Variants in MLIP observed in about 807,000 individuals in gnomAD.
MLIP encodes the protein muscular LMNA-interacting protein.
In MLIP, 79 loss-of-function variants were observed where a neutral mutation model predicts 84.8. The observed-to-expected ratio is 0.93, with a 90% CI of 0.78 to 1.12. The LOEUF (loss-of-function observed/expected upper bound fraction) is 1.12, where lower values mean the gene tolerates loss of function less well. Among genes scored for constraint, MLIP ranks in the 50% most tolerant of loss-of-function variants. The pLI is 0.00. For synonymous variants in MLIP, 504 were observed against 463.0 expected, an observed-to-expected ratio of 1.09 and a Z score of -1.14; for missense variants, 1,257 against 1,160.6, an observed-to-expected ratio of 1.08 and a Z score of -1.21.
chr6:54,168,956 G>A (rs553401710), intron 8 of MLIP, among the ~76,000 whole-genome samples: 1 of 149,402 alleles, frequency 6.7e-6, no homozygotes, highest in East Asian at 2.0e-4. Context: ...AATAATATGA[G>A]ATAAGAGGTA....
intron 11 of MLIP, among the ~76,000 whole-genome samples, chr6:54,228,094 A>C (rs941320714): frequency 2.5e-5 from 2 of 81,460 alleles, no homozygotes; most frequent in African/African-American, 5.8e-5. Context: ...GAGGCAGGAG[A>C]ATGGCATGAA....
chr6:54,207,768 A>G (rs1779139250), intron 11 of MLIP, among the ~76,000 whole-genome samples: 1 of 152,198 alleles, frequency 6.6e-6, no homozygotes, highest in Non-Finnish European at 1.5e-5. Context: ...TGTTTTGTTA[A>G]CACATGATGT....
chr6:54,120,240 A>AT (rs10708240), intron 1 of MLIP, among the ~76,000 whole-genome samples: 56 of 145,256 alleles, frequency 3.9e-4, no homozygotes, highest in African/African-American at 6.8e-4. Context: ...TCTTTTTTTT[A>AT]TTTTTTTTTT....
rs183017857 is a variant in MLIP at position 54,027,674 on chromosome 6, C to T, written c.63+8583C>T. Among the ~76,000 whole-genome samples, 403 of 152,194 alleles carry T rather than the reference C, an allele frequency of 2.6e-3. 2 individuals carry two copies. The highest frequency in any genetic ancestry group is 5.2e-3 in the Non-Finnish European group (353 of 68,002). ...AAAATGAGGGCTGTATCTATTGGAA[C>T]CCAGGGAGGGGAGCTGAGAGTTGAA... is the stretch of plus-strand genomic sequence containing the variant. On this transcript the variant is annotated intron_variant, in intron 1 of 12. Coordinates refer to the MLIP transcript ENST00000274897.
Position 54,088,127 on chromosome 6 carries a change from T to C in MLIP, c.64-33320T>C, listed in dbSNP as rs540471519. On this transcript the variant is annotated intron_variant, in intron 1 of 12. Transcript: ENST00000274897. ...CTTGACACATTTAGTTTATGCAAGG[T>C]GGTTTCAGAATTGAAGTAAAATAGT... 8.9e-4 allele frequency among the ~76,000 whole-genome samples: 136 copies of C among 152,272 alleles called. 1 individual carries two copies. In the South Asian group the frequency reaches 0.016, roughly 18 times the overall value.
intron 4 of MLIP, among the ~76,000 whole-genome samples, chr6:54,142,930 G>A (rs1057219539): frequency 6.6e-6 from 1 of 151,376 alleles, no homozygotes; most frequent in Non-Finnish European, 1.5e-5. Context: ...AAAAAAAAAC[G>A]CTGAAACTAG....
At chr6:54,038,186 A>C (rs1398830192) in intron 1 of MLIP, among the ~76,000 whole-genome samples, 1 of 151,896 alleles carries the variant, frequency 6.6e-6, no homozygotes, top group Non-Finnish European at 1.5e-5. Flanking sequence ...TTGTTCTTTG[A>C]TATGACTTTG....
chr6:54,075,981 G>A lies in MLIP; in HGVS notation c.64-45466G>A, dbSNP rs138383617. On this transcript the variant is annotated intron_variant, in intron 1 of 12. Coordinates refer to the MLIP transcript ENST00000274897. Reference sequence around the variant, plus strand: ...CGGAACCATTTTATTTTCTTTTTATGTTTGACAAATGGTACAAAAAGCATG... The same window carrying A: ...CGGAACCATTTTATTTTCTTTTTATATTTGACAAATGGTACAAAAAGCATG... Among the ~76,000 whole-genome samples, 703 of 152,234 alleles carry A rather than the reference G, an allele frequency of 4.6e-3. 8 individuals carry two copies. The highest frequency in any genetic ancestry group is 0.016 in the African/African-American group (675 of 41,552).
At chr6:54,087,817 T>C (rs1291800610) in intron 1 of MLIP, among the ~76,000 whole-genome samples, 2 of 10,802 alleles carry the variant, frequency 1.9e-4, no homozygotes, top group African/African-American at 2.6e-4. Flanking sequence ...AAAGATACTC[T>C]TTTTTTTTTT....
chr6:54,136,130 G>A (rs1397114763), intron 3 of MLIP, among the ~76,000 whole-genome samples: 5 of 152,076 alleles, frequency 3.3e-5, no homozygotes, highest in African/African-American at 1.2e-4. Context: ...GTTTAATTTG[G>A]ACTTTGCTTT....
intron 12 of MLIP, among the ~76,000 whole-genome samples, chr6:54,241,184 T>C (rs991649514): frequency 6.6e-6 from 1 of 151,864 alleles, no homozygotes; most frequent in Admixed American, 6.6e-5. Flanking sequence ...ATGAAAAACT[T>C]TAAAAGAAAA....
chr6:54,192,621 TA>T (rs1778027810), intron 10 of MLIP, among the ~76,000 whole-genome samples: 1 of 151,766 alleles, frequency 6.6e-6, no homozygotes, highest in Admixed American at 6.6e-5. Flanking sequence ...TTGATATATA[TA>T]TTTATATTTT....
upstream of MLIP, among the ~76,000 whole-genome samples, chr6:54,109,684 C>G (rs1038298361): frequency 6.6e-6 from 1 of 152,048 alleles, no homozygotes; most frequent in African/African-American, 2.4e-5. Flanking sequence ...TAACATCGTT[C>G]TCTGAAATTC....
intron 11 of MLIP, among the ~76,000 whole-genome samples, chr6:54,224,759 CA>C (rs1410401475): frequency 6.6e-6 from 1 of 151,820 alleles, no homozygotes; most frequent in African/African-American, 2.4e-5. Context: ...CCCAAGTCCC[CA>C]AAGTTCATTG....
chr6:54,045,941 T>C (rs1765023599), intron 1 of MLIP: 1 of 152,248 alleles, frequency 6.6e-6, no homozygotes. Context: ...ATTTTCTTTA[T>C]AAATTTCAGT....
chr6:54,100,745 T>G (rs529922726), intron 1 of MLIP, among the ~76,000 whole-genome samples: 15 of 152,280 alleles, frequency 9.9e-5, no homozygotes, highest in Admixed American at 4.6e-4. Context: ...TACTAAATGT[T>G]AAGCACTGGG....
At chr6:54,083,446 T>C in intron 1 of MLIP, 1 of 1,516,016 alleles carries the variant, frequency 6.6e-7, no homozygotes, top group Non-Finnish European at 8.8e-7. Flanking sequence ...CAGTGCTTTG[T>C]CATCTTTGCA....
chr6:54,134,983 G>T (rs1319359824), intron 3 of MLIP, among the ~76,000 whole-genome samples: 1 of 149,036 alleles, frequency 6.7e-6, no homozygotes, highest in African/African-American at 2.4e-5. Flanking sequence ...TTTCTTTGTG[G>T]TAAAAAAAAA....
intron 11 of MLIP, among the ~76,000 whole-genome samples, chr6:54,218,313 T>C (rs1324435884): frequency 6.6e-6 from 1 of 152,190 alleles, no homozygotes; most frequent in Admixed American, 6.5e-5. Flanking sequence ...CAATGGTAAG[T>C]ATTTGTGTAT....
Sources: allele counts gnomAD v4.1 joint callset (sites outside exome capture counted in the v4.1 genomes callset), GRCh38; gene constraint gnomAD v4.1.1; transcripts MANE v1.5; gene names NCBI Gene and HGNC (gene_info 2026-07-23, HGNC 2026-07-21).